Variants in SRPK1 observed in about 807,000 individuals in gnomAD.
SRPK1 encodes the protein SFRS protein kinase 1.
SRPK1 carries 52 observed loss-of-function variants against 89.5 expected under a neutral mutation model. The ratio of observed to expected loss-of-function variants is 0.58; its 90% CI spans 0.46 to 0.73. The LOEUF (loss-of-function observed/expected upper bound fraction) is 0.73. Ranked by LOEUF, SRPK1 falls within the 30% of genes least tolerant of loss-of-function variation. The probability of loss-of-function intolerance (pLI) is 0.00; values close to 1 mark genes in which losing one functional copy is unlikely to be tolerated. For missense variants in SRPK1, 603 were observed against 780.6 expected, an observed-to-expected ratio of 0.77 and a Z score of 2.71; for synonymous variants, 255 against 270.2, an observed-to-expected ratio of 0.94 and a Z score of 0.55.
chr6:35,850,922 T>C (rs1326654260), intron 13 of SRPK1, among the ~76,000 whole-genome samples: 1 of 152,164 alleles, frequency 6.6e-6, no homozygotes, highest in Non-Finnish European at 1.5e-5. Context: ...AAGGTAAGTA[T>C]GAGCTTCACA....
intron 2 of SRPK1, among the ~76,000 whole-genome samples, chr6:35,901,234 C>T (rs1369061175): frequency 6.6e-6 from 1 of 152,112 alleles, no homozygotes; most frequent in Non-Finnish European, 1.5e-5. Context: ...GGGCTTGTGA[C>T]ATTATTTAGA....
chr6:35,871,867 G>C lies in SRPK1; in HGVS notation c.751+696C>G, dbSNP rs150148786. 8.3e-3 allele frequency among the ~76,000 whole-genome samples: 1,267 copies of C among 152,216 alleles called. 9 individuals carry two copies. The highest frequency in any genetic ancestry group is 0.013 in the Non-Finnish European group (881 of 68,004). On this transcript the variant is annotated intron_variant, in intron 8 of 15. Coordinates refer to ENST00000373825, the MANE Select transcript of SRPK1 (RefSeq NM_003137.5). The stretch of plus-strand genomic sequence containing the variant: ...AGCAATCATCCTGCCCCAGCCTCCT[G>C]AGTAAATGGACTACAGGCACGCATC...
chr6:35,897,080 C>G (rs889129952), intron 2 of SRPK1, among the ~76,000 whole-genome samples: 1 of 152,142 alleles, frequency 6.6e-6, no homozygotes, highest in African/African-American at 2.4e-5. Context: ...TGAGTGACTA[C>G]TAATGGGTTT....
chr6:35,911,254 C>T (rs1770954692), intron 2 of SRPK1, among the ~76,000 whole-genome samples: 1 of 152,090 alleles, frequency 6.6e-6, no homozygotes. Flanking sequence ...TGATTCCAAC[C>T]CTCATGCATG....
At chr6:35,877,482 A>G (rs2127251162) in intron 6 of SRPK1, among the ~76,000 whole-genome samples, 1 of 152,324 alleles carries the variant, frequency 6.6e-6, no homozygotes, top group Non-Finnish European at 1.5e-5. Flanking sequence ...AGGACAATAA[A>G]TGGTTATTAT....
intron 13 of SRPK1, among the ~76,000 whole-genome samples, chr6:35,850,751 A>C (rs1769536678): frequency 6.6e-6 from 1 of 152,230 alleles, no homozygotes; most frequent in South Asian, 2.1e-4. Flanking sequence ...ACAACAACAA[A>C]AAAAACCCCA....
At chr6:35,894,469 C>A (rs191616712) in intron 2 of SRPK1, among the ~76,000 whole-genome samples, 1 of 151,962 alleles carries the variant, frequency 6.6e-6, no homozygotes, top group Non-Finnish European at 1.5e-5. Context: ...ACCAGAAGTT[C>A]CCACATCTGA....
chr6:35,911,243 T>C (rs981358203), intron 2 of SRPK1, among the ~76,000 whole-genome samples: 1 of 152,180 alleles, frequency 6.6e-6, no homozygotes, highest in African/African-American at 2.4e-5. Context: ...TTGGAAGAAG[T>C]TGATTCCAAC....
At position 35,838,394 on chromosome 6, in the gene SRPK1, C is replaced by T. The variant is rs374101706; in HGVS notation, c.1726G>A (p.Val576Met). The stretch of plus-strand genomic sequence containing the variant: ...CCTGCCACAATGAGCTTGCGAGGCA[C>T]CTTCCCCAGAAGTTCTATGATCAAT... ...IALIIELLGK[V>M]PRKLIVAGKY... The change falls in exon 15 of 16, where the codon GTG becomes ATG. Residue 576 changes from valine to methionine, a missense_variant. Physicochemically the swap from Val to Met is conservative, Grantham distance 21. Transcript: ENST00000373825. The T allele has an allele frequency of 6.3e-7, 1 of 1,580,720 alleles. No homozygotes were observed. Among genetic ancestry groups the T allele is most frequent in the Non-Finnish European group, 8.5e-7 (1 of 1,171,492 alleles).
At chr6:35,855,455 T>A (rs779303623) in intron 13 of SRPK1, among the ~76,000 whole-genome samples, 2 of 152,128 alleles carry the variant, frequency 1.3e-5, no homozygotes, top group Non-Finnish European at 2.9e-5. Context: ...TTAAAACAGG[T>A]TGGAATTGTT....
intron 2 of SRPK1, among the ~76,000 whole-genome samples, chr6:35,911,305 A>G (rs1035561363): frequency 2.0e-5 from 3 of 152,270 alleles, no homozygotes; most frequent in African/African-American, 7.2e-5. Context: ...GTAACTACAG[A>G]TGTGGTAGAA....
intron 2 of SRPK1, 37 bp from the exon 3 acceptor site, chr6:35,891,050 C>G (rs1196513293): frequency 5.2e-6 from 8 of 1,532,852 alleles, no homozygotes; most frequent in Non-Finnish European, 2.6e-6. Context: ...TCCATTTGGA[C>G]AGAAGAAAAT....
intron 10 of SRPK1, 101 bp from the exon 11 acceptor site, chr6:35,870,002 G>T (rs1769995976): frequency 2.3e-6 from 3 of 1,315,484 alleles, no homozygotes; most frequent in African/African-American, 2.9e-5. Flanking sequence ...AACTTATACT[G>T]AGTGACATAA....
intron 2 of SRPK1, among the ~76,000 whole-genome samples, chr6:35,916,094 T>A (rs1771094782): frequency 7.1e-6 from 1 of 141,742 alleles, no homozygotes; most frequent in African/African-American, 2.5e-5. Flanking sequence ...CACAGTGGTA[T>A]GTGCCTGTAA....
chr6:35,911,711 G>C (rs954944819), intron 2 of SRPK1, among the ~76,000 whole-genome samples: 1 of 151,958 alleles, frequency 6.6e-6, no homozygotes, highest in African/African-American at 2.4e-5. Context: ...GACCACAGGT[G>C]CATGCCACCA....
chr6:35,866,067 G>C (rs1226407553), intron 12 of SRPK1, among the ~76,000 whole-genome samples: 1 of 151,320 alleles, frequency 6.6e-6, no homozygotes, highest in Non-Finnish European at 1.5e-5. Flanking sequence ...ACACGAATAG[G>C]GATTTTTCAA....
In SRPK1 at chr6:35,833,788, A is replaced by G. The variant is rs1332655777; in HGVS notation, c.*1516T>C. ...TCCTGTATAGAAAGGTGGTTACCCAATAGCCTCACTGGTGGCTTGCTAGCA... is the reference window on the plus strand; with the variant it reads ...TCCTGTATAGAAAGGTGGTTACCCAGTAGCCTCACTGGTGGCTTGCTAGCA... On this transcript the variant is annotated 3_prime_UTR_variant, in exon 16 of 16. Coordinates refer to ENST00000373825, the MANE Select transcript of SRPK1 (RefSeq NM_003137.5). The G allele has an allele frequency of 2.6e-5, 4 of 152,522 alleles. No individual in the cohort carries two copies. The highest frequency in any genetic ancestry group is 4.8e-5 in the African/African-American group (2 of 41,450). The allele number at this position is 152,522 out of a possible 1,614,324, so 9.4% of individuals were successfully genotyped here.
chr6:35,893,735 A>G (rs749507399), intron 2 of SRPK1, among the ~76,000 whole-genome samples: 1 of 152,150 alleles, frequency 6.6e-6, no homozygotes, highest in Non-Finnish European at 1.5e-5. Flanking sequence ...TATTTACTCT[A>G]AAGAAAAAGC....
chr6:35,833,650 T>C lies in SRPK1; in HGVS notation c.*1654A>G, dbSNP rs541107658. ...CAGGAGTACCCAATGAAGGATCCGA[T>C]GAATGGCTGGCCAGTTACTCAGAGT... On this transcript the variant is annotated 3_prime_UTR_variant, in exon 16 of 16. Transcript: ENST00000373825. The C allele has an allele frequency of 2.0e-5, 3 of 152,780 alleles. No individual in the cohort carries two copies. The highest frequency in any genetic ancestry group is 1.9e-4 in the East Asian group (1 of 5,190). 9.5% of individuals were successfully genotyped at this position (152,780 alleles called of 1,614,324 possible). A position where few individuals can be genotyped will look rare whatever the true frequency, so the allele number is the denominator to read the frequency against.
Sources: allele counts gnomAD v4.1 joint callset (sites outside exome capture counted in the v4.1 genomes callset), GRCh38; gene constraint gnomAD v4.1.1; transcripts MANE v1.5; gene names NCBI Gene and HGNC (gene_info 2026-07-23, HGNC 2026-07-21).